Variants in NKD1 observed in about 807,000 individuals in gnomAD.
NKD1 encodes protein naked cuticle homolog 1.
In NKD1, 21 loss-of-function variants were observed where a neutral mutation model predicts 56.0. The ratio of observed to expected loss-of-function variants is 0.38; its 90% CI spans 0.27 to 0.54. NKD1 has a LOEUF of 0.54. Ranked by LOEUF, NKD1 falls within the 20% of genes least tolerant of loss-of-function variation. The pLI, the probability that NKD1 is intolerant of heterozygous loss-of-function variation, is 0.82. For synonymous variants in NKD1, 263 were observed against 265.7 expected (o/e 0.99, Z 0.10); for missense variants, 578 against 642.7 (o/e 0.90, Z 1.09).
intron 3 of NKD1, chr16:50,557,618 A>G (rs1354196423): frequency 6.6e-6 from 1 of 152,204 alleles, no homozygotes; most frequent in Non-Finnish European, 1.5e-5. Context: ...ATTCTTTGCT[A>G]ATGTGGTGTG....
At chr16:50,607,332 T>G in intron 3 of NKD1, 1 of 184,932 alleles carries the variant, frequency 5.4e-6, no homozygotes, top group East Asian at 1.3e-4. Flanking sequence ...TTTTTAAGCA[T>G]CATCTGAGGT....
At position 50,548,732 on chromosome 16, in the gene NKD1, G is replaced by T. The variant is rs1181632819; in HGVS notation, c.41G>T (p.Arg14Leu). 1.0e-5 allele frequency: 15 copies of T among 1,446,486 alleles called. No individual in the cohort carries two copies. Among genetic ancestry groups the T allele is most frequent in the Non-Finnish European group, 1.4e-5 (15 of 1,109,774 alleles). 89.6% of individuals were successfully genotyped at this position (1,446,486 alleles called of 1,614,324 possible). A position where few individuals can be genotyped will look rare whatever the true frequency, so the allele number is the denominator to read the frequency against. ...LHSKPAAVCK[R>L]RESPEGDSFA... is the part of the protein sequence containing the mutation. ...GTGCCTGCAGCCGCCGTGTGCAAGCGCAGGGAGAGCCCGGAAGGTAGGGGC... is the reference window on the plus strand; with the variant it reads ...GTGCCTGCAGCCGCCGTGTGCAAGCTCAGGGAGAGCCCGGAAGGTAGGGGC... The change falls in exon 2 of 10, where the codon CGC (arginine) becomes CTC (leucine). Residue 14 changes from arginine to leucine, a missense_variant. By Grantham distance (102) the Arg-to-Leu change is moderately radical. Transcript: ENST00000268459.
At chr16:50,567,561 C>T (rs1359319661) in intron 3 of NKD1, among the ~76,000 whole-genome samples, 1 of 152,198 alleles carries the variant, frequency 6.6e-6, no homozygotes, top group Non-Finnish European at 1.5e-5. Flanking sequence ...ACACTCTGAT[C>T]TCGGGACACC....
At chr16:50,588,273 A>G (rs527887300) in intron 3 of NKD1, among the ~76,000 whole-genome samples, 3 of 152,382 alleles carry the variant, frequency 2.0e-5, no homozygotes, top group Admixed American at 2.0e-4. Flanking sequence ...TTTCAAGTTA[A>G]CTTAAATAAC....
intron 3 of NKD1, among the ~76,000 whole-genome samples, chr16:50,584,642 G>T (rs1961189234): frequency 6.6e-6 from 1 of 152,202 alleles, no homozygotes. Flanking sequence ...ACAGTGTCTG[G>T]CACAGAGTAG....
At chr16:50,586,106 G>A (rs1199156873) in intron 3 of NKD1, among the ~76,000 whole-genome samples, 2 of 152,130 alleles carry the variant, frequency 1.3e-5, no homozygotes, top group African/African-American at 4.8e-5. Context: ...GACCCCGGTG[G>A]TCAGACTCTG....
At chr16:50,572,473 G>A (rs1960905171) in intron 3 of NKD1, among the ~76,000 whole-genome samples, 1 of 152,194 alleles carries the variant, frequency 6.6e-6, no homozygotes, top group Non-Finnish European at 1.5e-5. Context: ...TAAACTAGAG[G>A]GTGGGGGTAG....
At chr16:50,583,009 A>G (rs897789450) in intron 3 of NKD1, among the ~76,000 whole-genome samples, 2 of 151,524 alleles carry the variant, frequency 1.3e-5, no homozygotes, top group Non-Finnish European at 1.5e-5. Context: ...CCATCCCGGG[A>G]AAAAAAAATG....
chr16:50,578,529 A>G, intron 3 of NKD1, among the ~76,000 whole-genome samples: 1 of 152,018 alleles, frequency 6.6e-6, no homozygotes, highest in East Asian at 1.9e-4. Flanking sequence ...GTTCCAGAAG[A>G]TTCTGCCTCT....
At chr16:50,631,239 G>A (rs898736558) in intron 8 of NKD1, among the ~76,000 whole-genome samples, 22 of 152,238 alleles carry the variant, frequency 1.4e-4, no homozygotes, top group South Asian at 1.2e-3. Flanking sequence ...GATAAAGACC[G>A]TAAACACCTT....
chr16:50,582,376 A>G (rs561390355), intron 3 of NKD1, among the ~76,000 whole-genome samples: 17 of 152,248 alleles, frequency 1.1e-4, no homozygotes, highest in Admixed American at 7.8e-4. Flanking sequence ...CCTAAAGTGG[A>G]CCCTCCCAGG....
chr16:50,571,346 C>A (rs1031651869), intron 3 of NKD1: 1 of 278,324 alleles, frequency 3.6e-6, no homozygotes, highest in Non-Finnish European at 5.5e-6. Flanking sequence ...AGGATGAGGA[C>A]GAGCAGCTGG....
At chr16:50,591,274 G>C (rs963011611) in intron 3 of NKD1, among the ~76,000 whole-genome samples, 8 of 152,188 alleles carry the variant, frequency 5.3e-5, no homozygotes, top group Non-Finnish European at 4.4e-5. Context: ...CTCTCCATCT[G>C]TAGCCACTGT....
intron 3 of NKD1, among the ~76,000 whole-genome samples, chr16:50,592,839 G>A (rs954275523): frequency 6.6e-6 from 1 of 152,134 alleles, no homozygotes; most frequent in Non-Finnish European, 1.5e-5. Context: ...AGAAGCGGGT[G>A]GAGACAGGCA....
Position 50,634,865 on chromosome 16 carries a change from G to A in NKD1, c.*1084G>A, listed in dbSNP as rs909801941. 1 of 152,284 alleles carries A rather than the reference G, an allele frequency of 6.6e-6. No homozygotes were observed. Among genetic ancestry groups the A allele is most frequent in the African/African-American group, 2.4e-5 (1 of 41,406 alleles). 9.4% of individuals were successfully genotyped at this position (152,284 alleles called of 1,614,324 possible). On this transcript the variant is annotated 3_prime_UTR_variant, in exon 10 of 10. Transcript: ENST00000268459. ...GGTCCATTCTCGGGTTTTGGGGTCT[G>A]ATGGATTTTGGAGAGAACTGCTGGG...
rs1426932483 is a variant in NKD1 at position 50,641,790 on chromosome 16, T to C, written c.*8009T>C. 6.6e-6 allele frequency: 1 copy of C among 152,332 alleles called. No homozygotes were observed. The highest frequency in any genetic ancestry group is 1.5e-5 in the Non-Finnish European group (1 of 68,156). The allele number at this position is 152,332 out of a possible 1,614,324, so 9.4% of individuals were successfully genotyped here. ...AGCTTCAGGCATGGGAGGACTTTCA[T>C]GGGGAAGTCTTTGGGGCAGTCCTGG... On this transcript the variant is annotated 3_prime_UTR_variant, in exon 10 of 10. Coordinates refer to ENST00000268459, the MANE Select transcript of NKD1 (RefSeq NM_033119.5).
chr16:50,594,305 C>T (rs1961429274), intron 3 of NKD1, among the ~76,000 whole-genome samples: 1 of 152,212 alleles, frequency 6.6e-6, no homozygotes, highest in Admixed American at 6.5e-5. Flanking sequence ...GACTGATGTT[C>T]CACCTGCTTT....
Position 50,633,840 on chromosome 16 carries a change from G to A in NKD1, c.*59G>A. 1.3e-6 allele frequency: 1 copy of A among 748,038 alleles called. No homozygotes were observed. The highest frequency in any genetic ancestry group is 3.4e-5 in the Admixed American group (1 of 29,220). The allele number at this position is 748,038 out of a possible 1,614,324, so 46.3% of individuals were successfully genotyped here. ...AGGACCCCACCCCCGACACCACAAG[G>A]CATTATTATTCTATTAATTATTGTT... On this transcript the variant is annotated 3_prime_UTR_variant, in exon 10 of 10. Transcript: ENST00000268459. This position sits in a 1 kb window ranked among gnomAD's most constrained non-coding sequence, Gnocchi z 4.9.
intron 3 of NKD1, among the ~76,000 whole-genome samples, chr16:50,580,295 G>A (rs568350976): frequency 6.6e-6 from 1 of 152,242 alleles, no homozygotes; most frequent in East Asian, 1.9e-4. Flanking sequence ...CTCACACTGT[G>A]TGCTCACCCC....
Sources: allele counts gnomAD v4.1 joint callset (sites outside exome capture counted in the v4.1 genomes callset), GRCh38; gene constraint gnomAD v4.1.1; non-coding constraint Gnocchi (gnomAD v3.1); transcripts MANE v1.5; gene names NCBI Gene and HGNC (gene_info 2026-07-23, HGNC 2026-07-21).